Variants in TULP4 observed in about 807,000 individuals in gnomAD.
TULP4 encodes TUB like protein 4.
In TULP4, 16 loss-of-function variants were observed where a neutral mutation model predicts 129.0. The ratio of observed to expected loss-of-function variants is 0.12; its 90% CI spans 0.08 to 0.19. TULP4 has a LOEUF of 0.19. TULP4 is among the 10% of genes least tolerant of loss of function. The probability of loss-of-function intolerance (pLI) is 1.00; values close to 1 mark genes in which losing one functional copy is unlikely to be tolerated. For missense variants in TULP4, 1,842 were observed against 2,059.1 expected, an observed-to-expected ratio of 0.89 and a Z score of 2.04; for synonymous variants, 998 against 854.0, an observed-to-expected ratio of 1.17 and a Z score of -2.94.
At position 158,493,724 on chromosome 6, in the gene TULP4, GC is replaced by G; in HGVS notation, c.1776+12del. On this transcript the variant is annotated splice_region_variant and intron_variant, in intron 10 of 13. Transcript: ENST00000367097. This position sits in a 1 kb window ranked among gnomAD's most constrained non-coding sequence, Gnocchi z 4.4. ...TTTTGAAGACATCACTCAGGTAGGA[GC>G]CCCCAGTTACCCTGCCTTGCTCCCC... 6.5e-7 allele frequency: 1 copy of G among 1,543,694 alleles called. No individual in the cohort carries two copies. Among genetic ancestry groups the G allele is most frequent in the Admixed American group, 2.0e-5 (1 of 49,504 alleles).
chr6:158,400,346 T>C (rs1456193913), intron 1 of TULP4, among the ~76,000 whole-genome samples: 1 of 152,182 alleles, frequency 6.6e-6, no homozygotes, highest in Non-Finnish European at 1.5e-5. Context: ...AGTATATACA[T>C]TACAGTCAAC....
intron 3 of TULP4, among the ~76,000 whole-genome samples, chr6:158,443,988 G>C (rs544533333): frequency 2.6e-3 from 397 of 152,088 alleles, no homozygotes; most frequent in African/African-American, 9.2e-3. Flanking sequence ...GGGGGGCCAG[G>C]GTGGGCGGAT....
intron 8 of TULP4, 50 bp from the exon 9 acceptor site, chr6:158,489,538 G>A: frequency 1.2e-6 from 2 of 1,609,400 alleles, no homozygotes; most frequent in South Asian, 1.1e-5. Context: ...CATTGGTAGG[G>A]GCTAATTGAT....
intron 1 of TULP4, among the ~76,000 whole-genome samples, chr6:158,240,388 A>G (rs1435448813): frequency 5.3e-5 from 3 of 56,590 alleles, no homozygotes; most frequent in African/African-American, 1.2e-4. Flanking sequence ...CTGGCCGGGC[A>G]GAGGGGCTCC....
At chr6:158,446,945 T>C (rs186829261) in intron 3 of TULP4, among the ~76,000 whole-genome samples, 1 of 152,124 alleles carries the variant, frequency 6.6e-6, no homozygotes. Flanking sequence ...AGACCTTACC[T>C]CCAAATACCA....
chr6:158,240,752 C>T (rs572491335), intron 1 of TULP4, among the ~76,000 whole-genome samples: 1,968 of 135,208 alleles, frequency 0.015, 61 homozygotes, highest in African/African-American at 0.049. Context: ...GGGGGCTGAC[C>T]CCCCCACCTC....
intron 3 of TULP4, among the ~76,000 whole-genome samples, chr6:158,440,654 G>C (rs916355400): frequency 1.3e-5 from 2 of 152,232 alleles, no homozygotes; most frequent in African/African-American, 4.8e-5. Flanking sequence ...TCAGCAAGGA[G>C]CACAGGAATC....
chr6:158,316,977 T>G (rs894347705), intron 1 of TULP4, among the ~76,000 whole-genome samples: 3 of 152,154 alleles, frequency 2.0e-5, no homozygotes, highest in African/African-American at 7.2e-5. Flanking sequence ...TTTCTGACTT[T>G]TCATGTCTGA....
At chr6:158,246,491 C>CAA (rs72465395) in intron 1 of TULP4, among the ~76,000 whole-genome samples, 1 of 119,910 alleles carries the variant, frequency 8.3e-6, no homozygotes, top group Non-Finnish European at 1.7e-5. Context: ...GACTCCATCT[C>CAA]AAAAAAAAAA....
intron 1 of TULP4, chr6:158,232,363 C>G (rs1226089550): frequency 6.7e-6 from 1 of 148,430 alleles, no homozygotes; most frequent in Non-Finnish European, 1.5e-5. Flanking sequence ...GGCGCCGGCC[C>G]GAGCGTCGTC....
chr6:158,506,956 G>C lies in TULP4; in HGVS notation c.*262G>C, dbSNP rs537007820. ...AAGCAAAGAGTGCTAGGCACCTGCTGTTCTTTCAGGAAACAGCTTGGCTGT... is the reference window on the plus strand; with the variant it reads ...AAGCAAAGAGTGCTAGGCACCTGCTCTTCTTTCAGGAAACAGCTTGGCTGT... On this transcript the variant is annotated 3_prime_UTR_variant, in exon 14 of 14. Coordinates refer to ENST00000367097, the MANE Select transcript of TULP4 (RefSeq NM_020245.5). The C allele has an allele frequency of 6.5e-6, 3 of 462,372 alleles. No individual in the cohort carries two copies. The highest frequency in any genetic ancestry group is 1.2e-5 in the Non-Finnish European group (3 of 254,832). 28.6% of individuals were successfully genotyped at this position (462,372 alleles called of 1,614,324 possible).
intron 2 of TULP4, among the ~76,000 whole-genome samples, chr6:158,425,328 A>G (rs1297434485): frequency 2.6e-5 from 4 of 151,426 alleles, no homozygotes; most frequent in Admixed American, 1.3e-4. Context: ...AGCCTGACCA[A>G]CGTGGTGAAA....
At chr6:158,237,902 C>A in intron 1 of TULP4, 2 of 738,978 alleles carry the variant, frequency 2.7e-6, no homozygotes, top group South Asian at 2.7e-5. Context: ...GTATGAATAT[C>A]TTTTGGATTT....
chr6:158,419,686 T>C (rs913500643), intron 2 of TULP4, among the ~76,000 whole-genome samples: 11 of 152,212 alleles, frequency 7.2e-5, no homozygotes, highest in African/African-American at 2.7e-4. Flanking sequence ...TAGCTGTATG[T>C]TAGTATCAGA....
At chr6:158,396,836 T>A (rs370182693) in intron 1 of TULP4, among the ~76,000 whole-genome samples, 2 of 152,104 alleles carry the variant, frequency 1.3e-5, no homozygotes, top group East Asian at 3.9e-4. Context: ...GTATGTACTT[T>A]CCCCCCAAGT....
intron 1 of TULP4, among the ~76,000 whole-genome samples, chr6:158,317,358 G>A (rs776586100): frequency 3.0e-5 from 2 of 66,880 alleles, no homozygotes; most frequent in African/African-American, 1.2e-4. Context: ...GATGTTCCCC[G>A]CCCTGTATCC....
intron 1 of TULP4, among the ~76,000 whole-genome samples, chr6:158,365,990 C>T (rs557120068): frequency 1.3e-4 from 18 of 143,094 alleles, no homozygotes; most frequent in Admixed American, 2.9e-4. Context: ...GCAAGCTGCA[C>T]CTCCCAGGTT....
chr6:158,334,497 T>G (rs960667296), intron 1 of TULP4, among the ~76,000 whole-genome samples: 1 of 152,246 alleles, frequency 6.6e-6, no homozygotes, highest in Non-Finnish European at 1.5e-5. Flanking sequence ...GTTTATGTTA[T>G]TGGTAAGGCT....
Position 158,313,541 on chromosome 6 carries a change from C to T in TULP4, c.-476C>T, listed in dbSNP as rs577923356. The T allele has an allele frequency of 8.2e-5, 33 of 401,270 alleles. No individual in the cohort carries two copies. Among genetic ancestry groups the T allele is most frequent in the South Asian group, 3.7e-4 (3 of 8,050 alleles). The allele number at this position is 401,270 out of a possible 1,614,324, so 24.9% of individuals were successfully genotyped here. ...ATCCGAACTTTTGAAGAGAAAAATT[C>T]GAGCTAGAGGGATTCTTAAAGCCTT... is the stretch of plus-strand genomic sequence containing the variant. On this transcript the variant is annotated 5_prime_UTR_variant, in exon 1 of 14. Transcript: ENST00000367097.
Sources: allele counts gnomAD v4.1 joint callset (sites outside exome capture counted in the v4.1 genomes callset), GRCh38; gene constraint gnomAD v4.1.1; non-coding constraint Gnocchi (gnomAD v3.1); transcripts MANE v1.5; gene names NCBI Gene and HGNC (gene_info 2026-07-23, HGNC 2026-07-21).